The following GLIS3 variants were observed in gnomAD, a reference collection of about 807,000 sequenced individuals.
The protein encoded by GLIS3 is GLIS family zinc finger 3.
GLIS3 carries 53 observed loss-of-function variants against 78.6 expected under a neutral mutation model. That is an observed-to-expected ratio of 0.67 (90% confidence interval 0.54 to 0.85). The LOEUF (loss-of-function observed/expected upper bound fraction) is 0.85. GLIS3 is among the 40% of genes least tolerant of loss of function. The pLI, the probability that GLIS3 is intolerant of heterozygous loss-of-function variation, is 0.00. For missense variants in GLIS3, 1,703 were observed against 1,231.1 expected, an observed-to-expected ratio of 1.38 and a Z score of -5.74; for synonymous variants, 684 against 509.9, an observed-to-expected ratio of 1.34 and a Z score of -4.60.
the GLIS3 span, among the ~76,000 whole-genome samples, chr9:4,396,179 C>T: frequency 6.6e-6 from 1 of 151,678 alleles, no homozygotes; most frequent in Non-Finnish European, 1.5e-5. Context: ...TTGGCATGAT[C>T]TCAGCTCACT....
chr9:4,386,400 AT>A, the GLIS3 span: 3 of 145,526 alleles, frequency 2.1e-5, no homozygotes, highest in Non-Finnish European at 4.5e-5. Flanking sequence ...TTTAAAAAAA[AT>A]TATGATTTTT....
At chr9:4,252,254 G>C (rs921018435) in intron 2 of GLIS3, among the ~76,000 whole-genome samples, 1 of 152,112 alleles carries the variant, frequency 6.6e-6, no homozygotes, top group Non-Finnish European at 1.5e-5. Flanking sequence ...ATCAAATGTA[G>C]GTTTGGTCTT....
At position 4,023,438 on chromosome 9, in the gene GLIS3, G is replaced by T. The variant is rs191363081; in HGVS notation, c.1711-86249C>A. Among the ~76,000 whole-genome samples, 3 of 152,308 alleles carry T rather than the reference G, an allele frequency of 2.0e-5. No homozygotes were observed. In the East Asian group the frequency reaches 5.8e-4, roughly 29 times the overall value. On this transcript the variant is annotated intron_variant, in intron 4 of 10. Coordinates refer to ENST00000381971, the MANE Select transcript of GLIS3 (RefSeq NM_001042413.2). ...AGCTTGGCCATCAGACCCCAAAAAA[G>T]TGTCATCAAGGAAATGTTTGCTTTT...
At chr9:4,233,316 G>C (rs1381534993) in intron 2 of GLIS3, among the ~76,000 whole-genome samples, 1 of 152,114 alleles carries the variant, frequency 6.6e-6, no homozygotes, top group Non-Finnish European at 1.5e-5. Flanking sequence ...CTCCAAATAG[G>C]CTTGTACTTT....
chr9:3,933,593 C>T (rs1427365708), intron 5 of GLIS3, among the ~76,000 whole-genome samples: 1 of 152,156 alleles, frequency 6.6e-6, no homozygotes, highest in African/African-American at 2.4e-5. Context: ...CTTAGTGTCT[C>T]ATCAAGTAAG....
At chr9:4,308,580 G>A (rs1269964170) in intron 4 of GLIS3, among the ~76,000 whole-genome samples, 1 of 152,028 alleles carries the variant, frequency 6.6e-6, no homozygotes, top group Non-Finnish European at 1.5e-5. Flanking sequence ...CCTCTTCCTT[G>A]CAGTGGCTCT....
chr9:4,236,184 C>CAAAAAAAAAAAAAAAAA (rs59839951), intron 2 of GLIS3, among the ~76,000 whole-genome samples: 10 of 84,284 alleles, frequency 1.2e-4, no homozygotes, highest in African/African-American at 1.7e-4. Flanking sequence ...GTGGTTGTCA[C>CAAAAAAAAAAAAAAAAA]AAAAAAAAAA....
intron 4 of GLIS3, among the ~76,000 whole-genome samples, chr9:4,092,317 C>A (rs1025555602): frequency 2.0e-5 from 3 of 151,624 alleles, no homozygotes; most frequent in Non-Finnish European, 4.4e-5. Context: ...ATGCCTGGCT[C>A]ATTTTTTTGT....
intron 4 of GLIS3, among the ~76,000 whole-genome samples, chr9:3,938,930 C>A (rs563701200): frequency 1.3e-5 from 2 of 152,308 alleles, no homozygotes; most frequent in East Asian, 3.9e-4. Context: ...CCTCTGCTGA[C>A]CAAACCTCTG....
chr9:3,988,254 GACCC>G (rs1238995270), intron 4 of GLIS3, among the ~76,000 whole-genome samples: 1 of 152,056 alleles, frequency 6.6e-6, no homozygotes, highest in Non-Finnish European at 1.5e-5. Flanking sequence ...GTCACTAGCA[GACCC>G]ACCTTTAATG....
upstream of GLIS3, among the ~76,000 whole-genome samples, chr9:4,349,956 G>T (rs921913702): frequency 1.3e-5 from 2 of 152,232 alleles, no homozygotes; most frequent in African/African-American, 4.8e-5. Flanking sequence ...TGCAGAGGCT[G>T]TGGGTGGGCA....
the GLIS3 span, among the ~76,000 whole-genome samples, chr9:4,482,628 G>A: frequency 2.6e-5 from 4 of 152,176 alleles, no homozygotes; most frequent in African/African-American, 9.6e-5. Flanking sequence ...ACTATTTCTA[G>A]AGATACTCAG....
At chr9:4,267,300 A>C (rs1826105542) in intron 2 of GLIS3, among the ~76,000 whole-genome samples, 1 of 152,168 alleles carries the variant, frequency 6.6e-6, no homozygotes, top group South Asian at 2.1e-4. Context: ...GAGTTTATAG[A>C]TAGATTATGT....
chr9:4,291,349 C>T (rs925977016), intron 1 of GLIS3, among the ~76,000 whole-genome samples: 5 of 152,108 alleles, frequency 3.3e-5, no homozygotes, highest in African/African-American at 1.2e-4. Context: ...ATGTAATGAA[C>T]ATGAGGGACC....
intron 2 of GLIS3, among the ~76,000 whole-genome samples, chr9:4,324,467 A>T (rs1817574612): frequency 6.6e-6 from 1 of 152,238 alleles, no homozygotes. Flanking sequence ...TATGAGATAA[A>T]ACAGGTGAAA....
chr9:4,308,353 A>T (rs968163740), intron 4 of GLIS3, among the ~76,000 whole-genome samples: 4 of 152,102 alleles, frequency 2.6e-5, no homozygotes, highest in Non-Finnish European at 5.9e-5. Context: ...GGAGGTGAGA[A>T]AACAGAGGGA....
intron 2 of GLIS3, among the ~76,000 whole-genome samples, chr9:4,260,704 C>T (rs1182654178): frequency 2.0e-5 from 3 of 152,036 alleles, no homozygotes; most frequent in Non-Finnish European, 4.4e-5. Flanking sequence ...CGAGATCGTG[C>T]CACTGTACTC....
the GLIS3 span, among the ~76,000 whole-genome samples, chr9:4,453,366 A>G: frequency 7.6e-4 from 112 of 148,020 alleles, no homozygotes; most frequent in Non-Finnish European, 7.8e-4. Context: ...AAAAAAAAAG[A>G]AAAAACTACC....
At chr9:3,995,757 G>A (rs1009137923) in intron 4 of GLIS3, among the ~76,000 whole-genome samples, 1 of 152,072 alleles carries the variant, frequency 6.6e-6, no homozygotes, top group Admixed American at 6.6e-5. Context: ...TAAGTGGAAT[G>A]CAGCAAAGAG....
Sources: allele counts gnomAD v4.1 joint callset (sites outside exome capture counted in the v4.1 genomes callset), GRCh38; gene constraint gnomAD v4.1.1; transcripts MANE v1.5; gene names NCBI Gene and HGNC (gene_info 2026-07-23, HGNC 2026-07-21).